PCDH11X: variants seen among roughly 807,000 people sequenced by gnomAD.
PCDH11X encodes protocadherin-11 X-linked.
In PCDH11X, 18 loss-of-function variants were observed where a neutral mutation model predicts 53.3. That is an observed-to-expected ratio of 0.34 (90% CI 0.23 to 0.50). The LOEUF is 0.50. PCDH11X is among the 20% of genes least tolerant of loss of function. The pLI is 0.98. For missense variants in PCDH11X, 570 were observed against 1,032.4 expected, an observed-to-expected ratio of 0.55 and a Z score of 6.14; for synonymous variants, 279 against 393.3, an observed-to-expected ratio of 0.71 and a Z score of 3.44.
intron 6 of PCDH11X, among the ~76,000 whole-genome samples, chrX:92,127,636 T>C (rs1288959418): frequency 9.4e-6 from 1 of 106,475 alleles, no homozygotes; most frequent in Non-Finnish European, 1.9e-5. Context: ...TTCTCCTGCC[T>C]CAGCCTCCCA....
chrX:91,998,517 C>A, intron 6 of PCDH11X, among the ~76,000 whole-genome samples: 1 of 107,175 alleles, frequency 9.3e-6, no homozygotes, highest in Non-Finnish European at 1.9e-5. Context: ...AAAAAATCCT[C>A]TTAGGTTGTG....
chrX:92,015,607 T>C (rs1467677018), intron 6 of PCDH11X, among the ~76,000 whole-genome samples: 3 of 112,229 alleles, frequency 2.7e-5, no homozygotes, highest in Non-Finnish European at 5.6e-5. Flanking sequence ...TTATCATTCA[T>C]AAGAAGCAAC....
intron 8 of PCDH11X, among the ~76,000 whole-genome samples, chrX:92,342,889 T>C (rs1326502334): frequency 3.6e-5 from 4 of 111,901 alleles, no homozygotes; most frequent in African/African-American, 1.3e-4. Flanking sequence ...GAAAAGAATA[T>C]GTGAAGGTAG....
chrX:91,953,845 G>A lies in PCDH11X; in HGVS notation c.3033+74572G>A, dbSNP rs2061673827. 2.7e-5 allele frequency among the ~76,000 whole-genome samples: 3 copies of A among 110,020 alleles called. No individual in the cohort carries two copies. The South Asian group carries it at 1.2e-3, about 43-fold the overall frequency. ...ATGTAGCTTTGGTAATATGAGCCAA[G>A]CTGACATCTACAAGAGCACAAAATA... On this transcript the variant is annotated intron_variant, in intron 6 of 10. Transcript: ENST00000682573.
chrX:92,256,366 C>T (rs935544608), intron 7 of PCDH11X, among the ~76,000 whole-genome samples: 4 of 111,084 alleles, frequency 3.6e-5, no homozygotes, highest in Admixed American at 2.9e-4. Context: ...GAGATGAACC[C>T]GGTACCTCAG....
chrX:92,181,384 G>A (rs1217540479), intron 6 of PCDH11X, among the ~76,000 whole-genome samples: 4 of 111,925 alleles, frequency 3.6e-5, no homozygotes, highest in Non-Finnish European at 5.6e-5. Context: ...GAGCATAAAA[G>A]TTCAGAAAAT....
At chrX:92,480,260 T>C (rs1384357511) in intron 10 of PCDH11X, among the ~76,000 whole-genome samples, 1 of 111,758 alleles carries the variant, frequency 8.9e-6, no homozygotes, top group Non-Finnish European at 1.9e-5. Flanking sequence ...GTCATTTTAT[T>C]ATGATTCTTA....
At chrX:91,968,857 A>G (rs1275723155) in intron 6 of PCDH11X, among the ~76,000 whole-genome samples, 2 of 111,864 alleles carry the variant, frequency 1.8e-5, no homozygotes, top group Non-Finnish European at 3.8e-5. Context: ...TTCAAATGCA[A>G]CATATATGTA....
intron 6 of PCDH11X, among the ~76,000 whole-genome samples, chrX:92,023,412 A>C (rs1421433983): frequency 9.1e-6 from 1 of 109,970 alleles, no homozygotes; most frequent in Non-Finnish European, 1.9e-5. Context: ...TAGCAAACCG[A>C]GAAGAAATGG....
At chrX:92,209,302 A>C (rs1238471577) in intron 7 of PCDH11X, among the ~76,000 whole-genome samples, 1 of 111,786 alleles carries the variant, frequency 8.9e-6, no homozygotes, top group Non-Finnish European at 1.9e-5. Context: ...TTAATCCGTA[A>C]AATTTTTTTA....
intron 6 of PCDH11X, among the ~76,000 whole-genome samples, chrX:91,991,352 CTT>C (rs767822249): frequency 1.6e-4 from 9 of 55,013 alleles, no homozygotes; most frequent in Admixed American, 2.1e-4. Flanking sequence ...TTAAGACTTT[CTT>C]TTTTTTTTTT....
intron 8 of PCDH11X, among the ~76,000 whole-genome samples, chrX:92,342,099 G>A (rs1432139778): frequency 9.0e-6 from 1 of 111,531 alleles, no homozygotes; most frequent in Non-Finnish European, 1.9e-5. Context: ...CTCAACGTCA[G>A]TAGTCATCAG....
chrX:92,158,035 T>G (rs1393429469), intron 6 of PCDH11X, among the ~76,000 whole-genome samples: 1 of 110,182 alleles, frequency 9.1e-6, no homozygotes, highest in Non-Finnish European at 1.9e-5. Context: ...ACCAACATGG[T>G]GAAACCCTGT....
intron 10 of PCDH11X, among the ~76,000 whole-genome samples, chrX:92,547,828 T>C (rs1444213938): frequency 9.1e-6 from 1 of 109,760 alleles, no homozygotes; most frequent in African/African-American, 3.3e-5. Flanking sequence ...CTTCCCAGGT[T>C]TAGGCGATTC....
intron 6 of PCDH11X, among the ~76,000 whole-genome samples, chrX:92,043,737 A>T (rs1437855641): frequency 1.8e-5 from 2 of 108,466 alleles, no homozygotes; most frequent in Non-Finnish European, 3.8e-5. Flanking sequence ...CCAGTGTACG[A>T]TCATATACAA....
intron 6 of PCDH11X, among the ~76,000 whole-genome samples, chrX:92,064,520 A>AAATT (rs2063576204): frequency 9.5e-6 from 1 of 105,022 alleles, no homozygotes; most frequent in Admixed American, 1.0e-4. Flanking sequence ...ATAAATAAAT[A>AAATT]AATAAATAGT....
chrX:92,498,265 G>A (rs2148692097), intron 10 of PCDH11X, among the ~76,000 whole-genome samples: 1 of 110,416 alleles, frequency 9.1e-6, no homozygotes, highest in East Asian at 2.8e-4. Flanking sequence ...CTTTAGTTGA[G>A]TAACATTAGT....
At chrX:92,362,332 G>A (rs2070365994) in intron 8 of PCDH11X, among the ~76,000 whole-genome samples, 1 of 78,996 alleles carries the variant, frequency 1.3e-5, no homozygotes. Flanking sequence ...CATTCTAATG[G>A]GTGTGAAGTG....
At chrX:92,119,519 T>G in intron 6 of PCDH11X, among the ~76,000 whole-genome samples, 1 of 111,018 alleles carries the variant, frequency 9.0e-6, no homozygotes, top group East Asian at 2.8e-4. Context: ...GTATAGATAT[T>G]CCACATTAAC....
Sources: gnomAD v4.1 joint callset for allele counts (sites outside exome capture counted in the v4.1 genomes callset) on GRCh38, gnomAD v4.1.1 for gene constraint, MANE v1.5 for transcripts, NCBI Gene and HGNC (gene_info 2026-07-23, HGNC 2026-07-21) for gene names.